Variants in NXPE4 observed in about 807,000 individuals in gnomAD.
NXPE4 encodes the protein neurexophilin and PC-esterase domain family member 4, also known as NXPE family member 4.
NXPE4 carries 42 observed loss-of-function variants against 33.3 expected under a neutral mutation model. The ratio of observed to expected loss-of-function variants is 1.26; its 90% confidence interval spans 0.98 to 1.63. The LOEUF (loss-of-function observed/expected upper bound fraction) is 1.63. Among genes scored for constraint, NXPE4 ranks in the 40% most tolerant of loss-of-function variants. The pLI is 0.00. For missense variants in NXPE4, 709 were observed against 647.6 expected (o/e 1.09, Z -1.03); for synonymous variants, 253 against 234.9 (o/e 1.08, Z -0.71).
At chr11:114,643,532 G>A in the NXPE4 span, among the ~76,000 whole-genome samples, 3 of 152,030 alleles carry the variant, frequency 2.0e-5, no homozygotes. Flanking sequence ...CCCATTGCTT[G>A]TTTTTGTCAG....
At chr11:114,590,981 A>T (rs528278988) in intron 2 of NXPE4, among the ~76,000 whole-genome samples, 5 of 152,314 alleles carry the variant, frequency 3.3e-5, no homozygotes, top group African/African-American at 7.2e-5. Context: ...TTCCTCCCCA[A>T]GAAAACTGGG....
At chr11:114,626,374 C>T in the NXPE4 span, among the ~76,000 whole-genome samples, 1 of 152,182 alleles carries the variant, frequency 6.6e-6, no homozygotes, top group African/African-American at 2.4e-5. Flanking sequence ...GACCCCTGAC[C>T]CCCGAGCAGC....
Position 114,580,254 on chromosome 11 carries a change from T to G in NXPE4, c.977A>C (p.Asn326Thr). 3 of 1,614,062 alleles carry G rather than the reference T, an allele frequency of 1.9e-6. No individual in the cohort carries two copies. Among genetic ancestry groups the G allele is most frequent in the Non-Finnish European group, 2.5e-6 (3 of 1,179,918 alleles). Residue 326 changes from asparagine (N) to threonine (T), a missense_variant, in exon 5 of 6, where the codon AAT (asparagine) becomes ACT (threonine). By Grantham distance (65) the Asn-to-Thr change is moderately conservative. Coordinates refer to ENST00000375478, the MANE Select transcript of NXPE4 (RefSeq NM_001077639.2). ...PSGHVWRNTW[N>T]PVSCSLATVK... ...TGTAGCCAAACTACAGGAGACAGGA[T>G]TCCATGTGTTTCTCCAGACATGCCC... is the stretch of plus-strand genomic sequence containing the variant.
the NXPE4 span, among the ~76,000 whole-genome samples, chr11:114,662,056 C>T: frequency 1.3e-5 from 2 of 152,106 alleles, no homozygotes; most frequent in African/African-American, 2.4e-5. Context: ...TAACAACTAT[C>T]GACACAAAAG....
chr11:114,605,313 T>C, the NXPE4 span, among the ~76,000 whole-genome samples: 1 of 151,932 alleles, frequency 6.6e-6, no homozygotes, highest in Admixed American at 6.6e-5. Context: ...GGGTAACCAC[T>C]CTTACCTGGT....
chr11:114,644,227 C>T, the NXPE4 span, among the ~76,000 whole-genome samples: 1 of 152,112 alleles, frequency 6.6e-6, no homozygotes, highest in East Asian at 1.9e-4. Flanking sequence ...TTCCTCTCTT[C>T]CTGTTCGAAT....
chr11:114,592,599 GACT>G (rs1949482412), intron 2 of NXPE4, among the ~76,000 whole-genome samples: 2 of 151,946 alleles, frequency 1.3e-5, no homozygotes, highest in South Asian at 4.1e-4. Flanking sequence ...AAAATGTTCA[GACT>G]ACTAAAAGCA....
the NXPE4 span, among the ~76,000 whole-genome samples, chr11:114,614,326 G>A: frequency 2.6e-5 from 4 of 151,570 alleles, no homozygotes; most frequent in African/African-American, 9.7e-5. Flanking sequence ...GGTAACCACG[G>A]TTACCTGATG....
chr11:114,599,686 A>G (rs1258098056), upstream of NXPE4, among the ~76,000 whole-genome samples: 1 of 152,138 alleles, frequency 6.6e-6, no homozygotes, highest in Non-Finnish European at 1.5e-5. Context: ...TTACATGGCC[A>G]GAGCAGGAGC....
At position 114,571,215 on chromosome 11, in the gene NXPE4, T is replaced by C. The variant is rs113780531; in HGVS notation, c.1358A>G (p.Asn453Ser). Residue 453 changes from asparagine (N) to serine (S), a missense_variant, in exon 6 of 6, where the codon AAT becomes AGT. By Grantham distance (46) the Asn-to-Ser change is conservative. Transcript: ENST00000375478. ...PIDVFIRRAL[N>S]VHKAIQHLLL... ...AAGATGCTGAATGGCTTTGTGGACATTGAGGGCCCTTCGGATAAAAACATC... is the reference window on the plus strand; with the variant it reads ...AAGATGCTGAATGGCTTTGTGGACACTGAGGGCCCTTCGGATAAAAACATC... 2.8e-4 allele frequency: 452 copies of C among 1,614,040 alleles called. 4 individuals carry two copies. The African/African-American group carries it at 5.4e-3, about 19-fold the overall frequency.
chr11:114,655,562 C>A, the NXPE4 span, among the ~76,000 whole-genome samples: 2 of 152,186 alleles, frequency 1.3e-5, no homozygotes, highest in African/African-American at 2.4e-5. Context: ...GTTTTCCCAG[C>A]ACCATTTACT....
chr11:114,595,335 T>C (rs1949555586), intron 1 of NXPE4, among the ~76,000 whole-genome samples: 1 of 152,204 alleles, frequency 6.6e-6, no homozygotes, highest in Non-Finnish European at 1.5e-5. Flanking sequence ...TTTATCAGTA[T>C]TTTTCCATGA....
chr11:114,624,779 G>A, the NXPE4 span, among the ~76,000 whole-genome samples: 8 of 151,978 alleles, frequency 5.3e-5, no homozygotes, highest in East Asian at 1.9e-4. Flanking sequence ...GTATTGCCTC[G>A]TGGGTAAGCA....
At chr11:114,662,579 T>G in the NXPE4 span, among the ~76,000 whole-genome samples, 2 of 151,794 alleles carry the variant, frequency 1.3e-5, no homozygotes, top group Admixed American at 1.3e-4. Context: ...GCTAAGGGAG[T>G]GCTGGCATCA....
At chr11:114,583,087 G>A in intron 2 of NXPE4, 66 bp from the exon 3 acceptor site, 9 of 1,495,102 alleles carry the variant, frequency 6.0e-6, no homozygotes, top group Non-Finnish European at 7.2e-6. Context: ...GAAATGACAG[G>A]AAGTGTAACA....
At chr11:114,640,008 ATATAT>A in the NXPE4 span, among the ~76,000 whole-genome samples, 8 of 119,478 alleles carry the variant, frequency 6.7e-5, no homozygotes, top group African/African-American at 1.4e-4. Context: ...TAATGTAATA[ATATAT>A]TATTTTATAA....
the NXPE4 span, among the ~76,000 whole-genome samples, chr11:114,620,032 C>T: frequency 7.2e-6 from 1 of 139,776 alleles, no homozygotes; most frequent in Non-Finnish European, 1.6e-5. Flanking sequence ...CCAATGGATA[C>T]TCACTACTGC....
the NXPE4 span, among the ~76,000 whole-genome samples, chr11:114,657,838 C>T: frequency 6.6e-6 from 1 of 152,114 alleles, no homozygotes; most frequent in East Asian, 1.9e-4. Flanking sequence ...CAGCTTCCAG[C>T]CCCAATTTTA....
At chr11:114,626,419 G>A in the NXPE4 span, among the ~76,000 whole-genome samples, 1 of 152,092 alleles carries the variant, frequency 6.6e-6, no homozygotes, top group Non-Finnish European at 1.5e-5. Flanking sequence ...GGGGCAGACT[G>A]ACACCTCACG....
Sources: allele counts gnomAD v4.1 joint callset (sites outside exome capture counted in the v4.1 genomes callset), GRCh38; gene constraint gnomAD v4.1.1; transcripts MANE v1.5; gene names NCBI Gene and HGNC (gene_info 2026-07-23, HGNC 2026-07-21).